ZBTB41: variants seen among roughly 807,000 people sequenced by gnomAD.
ZBTB41 encodes zinc finger and BTB domain containing 41, also known as zinc finger and BTB domain-containing protein 41.
ZBTB41 carries 42 observed loss-of-function variants against 87.6 expected under a neutral mutation model. That is an observed-to-expected ratio of 0.48 (90% CI 0.37 to 0.62). The LOEUF is 0.62. Ranked by LOEUF, ZBTB41 falls within the 20% of genes least tolerant of loss-of-function variation. ZBTB41 has a pLI of 0.00. For synonymous variants in ZBTB41, 364 were observed against 364.0 expected (o/e 1.00, Z 0.00); for missense variants, 799 against 1,078.9 (o/e 0.74, Z 3.63).
intron 10 of ZBTB41, 41 bp downstream of exon 10, chr1:197,172,119 C>T (rs6698189): frequency 8.9e-6 from 7 of 787,084 alleles, no homozygotes; most frequent in Non-Finnish European, 1.3e-5. Flanking sequence ...ATATATCTCT[C>T]TCTATATATA....
At position 197,199,304 on chromosome 1, in the gene ZBTB41, T is replaced by G. The variant is rs139752352; in HGVS notation, c.1120+50A>C. On this transcript the variant is annotated intron_variant, in intron 2 of 10. Coordinates refer to ENST00000367405, the MANE Select transcript of ZBTB41 (RefSeq NM_194314.3). ...GTTTTTATTTATCACCTTTAAAATATCCAAGAAAAGTAAGTGATTAGAGAT... is the reference window on the plus strand; with the variant it reads ...GTTTTTATTTATCACCTTTAAAATAGCCAAGAAAAGTAAGTGATTAGAGAT... 1.7e-3 allele frequency: 2,450 copies of G among 1,445,890 alleles called. 21 individuals carry two copies. In the African/African-American group the frequency reaches 0.018, roughly 11 times the overall value. The allele number at this position is 1,445,890 out of a possible 1,614,324, so 89.6% of individuals were successfully genotyped here.
chr1:197,173,487 C>T (rs375281829), intron 9 of ZBTB41, among the ~76,000 whole-genome samples: 55 of 152,176 alleles, frequency 3.6e-4, no homozygotes, highest in South Asian at 2.9e-3. Context: ...TCACTGCAGC[C>T]TTGAACTCCT....
chr1:197,178,098 T>G (rs923455161), intron 7 of ZBTB41, among the ~76,000 whole-genome samples: 1 of 151,924 alleles, frequency 6.6e-6, no homozygotes, highest in African/African-American at 2.4e-5. Context: ...TGTTCTTTGA[T>G]AGTAAAGAGT....
chr1:197,178,608 ATAT>A (rs1659668444), intron 6 of ZBTB41, 96 bp from the exon 7 acceptor site: 1 of 719,676 alleles, frequency 1.4e-6, no homozygotes, highest in South Asian at 2.9e-5. Flanking sequence ...AAGCTAACTG[ATAT>A]TATGGCAATT....
chr1:197,169,210 G>C (rs945630745), intron 10 of ZBTB41, among the ~76,000 whole-genome samples: 18 of 151,924 alleles, frequency 1.2e-4, no homozygotes, highest in African/African-American at 4.1e-4. Context: ...CTATGAGCCA[G>C]GAATCCTAGG....
rs1336728646 is a variant in ZBTB41, at chr1:197,199,946, G to A, written c.528C>T (p.Asn176=). Residue 176 remains asparagine (N), a synonymous_variant, in exon 2 of 11, where the codon AAC becomes AAT. Coordinates refer to ENST00000367405, the MANE Select transcript of ZBTB41 (RefSeq NM_194314.3). ...CTGAATGAAAAGGGGCAACATTTTC[G>A]TTATTTAACAACTTCACTGCATCTA... The part of the protein sequence containing the change: ...DIIDAVKLLN[N]ENVAPFHSEL... 7 of 1,612,856 alleles carry A rather than the reference G, an allele frequency of 4.3e-6. No homozygotes were observed. In the African/African-American group the frequency reaches 5.3e-5, roughly 12 times the overall value.
intron 5 of ZBTB41, among the ~76,000 whole-genome samples, chr1:197,182,917 G>A (rs1659788995): frequency 6.6e-6 from 1 of 152,110 alleles, no homozygotes; most frequent in South Asian, 2.1e-4. Flanking sequence ...AGGTCTCCAG[G>A]TGCTTGTGAT....
chr1:197,199,784 A>G lies in ZBTB41; in HGVS notation c.690T>C (p.His230=). The part of the protein sequence containing the change: ...KSLENHLAKT[H]RSLLLGKKHG... The stretch of plus-strand genomic sequence containing the variant: ...GTTTTTTCCCTAATAAAAGGGACCT[A>G]TGGGTTTTAGCCAAATGATTCTCTA... The change falls in exon 2 of 11, where the codon CAT becomes CAC. Residue 230 remains histidine (H), a synonymous_variant. Transcript: ENST00000367405. 1 of 1,613,216 alleles carries G rather than the reference A, an allele frequency of 6.2e-7. No individual in the cohort carries two copies. The highest frequency in any genetic ancestry group is 8.5e-7 in the Non-Finnish European group (1 of 1,179,704).
intron 4 of ZBTB41, among the ~76,000 whole-genome samples, chr1:197,189,656 C>T (rs1033704647): frequency 2.6e-5 from 4 of 152,188 alleles, no homozygotes; most frequent in African/African-American, 9.6e-5. Flanking sequence ...TTAAATCTAC[C>T]CAGGTTGGAG....
rs546508823 is a variant in ZBTB41 at position 197,159,406 on chromosome 1, T to C, written c.2683A>G (p.Ser895Gly). ...GAAATATTTTGAACACCAGTAGTGCTATCAAGGCCCAGTAATGTTCCAAGA... is the reference window on the plus strand; with the variant it reads ...GAAATATTTTGAACACCAGTAGTGCCATCAAGGCCCAGTAATGTTCCAAGA... ...SYLGTLLGLD[S>G]TTGVQNISTN... Residue 895 changes from serine (S) to glycine (G), a missense_variant, in exon 11 of 11, where the codon AGC becomes GGC. Ser to Gly is a moderately conservative substitution (Grantham distance 56). Around this residue, in one of 5 missense-constraint regions of ZBTB41, gnomAD observed 171 missense variants for 191.9 expected, o/e 0.89. Coordinates refer to ENST00000367405, the MANE Select transcript of ZBTB41 (RefSeq NM_194314.3). The C allele has an allele frequency of 1.2e-6, 2 of 1,613,880 alleles. No homozygotes were observed. Among genetic ancestry groups the C allele is most frequent in the African/African-American group, 1.3e-5 (1 of 75,030 alleles).
In ZBTB41 at chr1:197,199,441, G is replaced by A; in HGVS notation, c.1033C>T (p.His345Tyr). 1 of 1,612,500 alleles carries A rather than the reference G, an allele frequency of 6.2e-7. No individual in the cohort carries two copies. Among genetic ancestry groups the A allele is most frequent in the East Asian group, 2.2e-5 (1 of 44,868 alleles). The change falls in exon 2 of 11, where the codon CAT (histidine) becomes TAT (tyrosine). Residue 345 changes from histidine to tyrosine, a missense_variant. Physicochemically the swap from His to Tyr is moderately conservative, Grantham distance 83 (BLOSUM62 2). Coordinates refer to ENST00000367405, the MANE Select transcript of ZBTB41 (RefSeq NM_194314.3). ...PEAGDSVGNV[H>Y]EGLTPVVIQN... ...ATGACCACTGGAGTTAACCCCTCATGAACATTTCCTACAGAATCACCAGCC... is the reference window on the plus strand; with the variant it reads ...ATGACCACTGGAGTTAACCCCTCATAAACATTTCCTACAGAATCACCAGCC...
intron 2 of ZBTB41, among the ~76,000 whole-genome samples, chr1:197,192,487 CAG>C (rs1660060072): frequency 6.6e-6 from 1 of 152,136 alleles, no homozygotes; most frequent in South Asian, 2.1e-4. Context: ...GCACTTACAA[CAG>C]TGTCGAACAC....
In ZBTB41 at chr1:197,181,098, T is replaced by A. The variant is rs1557982065; in HGVS notation, c.1566A>T (p.Ile522=). ...CAGTGTCGTTAAACTGGCGACCACA[T>A]ATATCACATGGAAAAGGACCTAAAA... ...KFHLGPFPCD[I]CGRQFNDTGN... The change falls in exon 6 of 11, where the codon ATA becomes ATT. Residue 522 remains isoleucine, a synonymous_variant. Coordinates refer to ENST00000367405, the MANE Select transcript of ZBTB41 (RefSeq NM_194314.3). 6.3e-7 allele frequency: 1 copy of A among 1,590,254 alleles called. No homozygotes were observed. The highest frequency in any genetic ancestry group is 2.2e-5 in the East Asian group (1 of 44,450).
In ZBTB41 at chr1:197,159,439, G is replaced by T; in HGVS notation, c.2650C>A (p.Gln884Lys). 6.2e-7 allele frequency: 1 copy of T among 1,613,830 alleles called. No individual in the cohort carries two copies. The highest frequency in any genetic ancestry group is 8.5e-7 in the Non-Finnish European group (1 of 1,179,774). ...RPEQMLDPREQSYLGTLLGLD... is the reference protein window; with the variant it reads ...RPEQMLDPREKSYLGTLLGLD... ...CCCAGTAATGTTCCAAGATAAGATT[G>T]TTCTCTAGGATCTAGCATTTGTTCA... Residue 884 changes from glutamine to lysine, a missense_variant, in exon 11 of 11, where the codon CAA becomes AAA. Gln to Lys is a moderately conservative substitution (Grantham distance 53). Coordinates refer to ENST00000367405, the MANE Select transcript of ZBTB41 (RefSeq NM_194314.3).
At chr1:197,194,174 C>T (rs1007409749) in intron 2 of ZBTB41, among the ~76,000 whole-genome samples, 18 of 151,996 alleles carry the variant, frequency 1.2e-4, no homozygotes, top group African/African-American at 3.4e-4. Context: ...ACATGCTATA[C>T]GCCCAGCTAA....
intron 2 of ZBTB41, among the ~76,000 whole-genome samples, chr1:197,195,594 A>G (rs1660143754): frequency 6.6e-6 from 1 of 152,182 alleles, no homozygotes; most frequent in Non-Finnish European, 1.5e-5. Context: ...TGGACTAGTC[A>G]CATTTTTTTT....
In ZBTB41 at chr1:197,154,539, C is replaced by T. The variant is rs962826379; in HGVS notation, c.*4820G>A. ...CAAAAACCTTCTTTTTCTCATCTTC[C>T]ACACATCTTAATCCTATTACATCTA... is the stretch of plus-strand genomic sequence containing the variant. On this transcript the variant is annotated 3_prime_UTR_variant, in exon 11 of 11. Coordinates refer to ENST00000367405, the MANE Select transcript of ZBTB41 (RefSeq NM_194314.3). 6.6e-6 allele frequency: 1 copy of T among 152,038 alleles called. No homozygotes were observed. The highest frequency in any genetic ancestry group is 2.4e-5 in the African/African-American group (1 of 41,444). 9.4% of individuals were successfully genotyped at this position (152,038 alleles called of 1,614,324 possible).
chr1:197,193,995 C>T (rs1222152666), intron 2 of ZBTB41, among the ~76,000 whole-genome samples: 2 of 151,976 alleles, frequency 1.3e-5, no homozygotes, highest in Non-Finnish European at 2.9e-5. Context: ...AACTTATCAA[C>T]CTCCTAATGC....
intron 8 of ZBTB41, chr1:197,175,788 T>A (rs888702419): frequency 1.3e-5 from 2 of 151,932 alleles, no homozygotes; most frequent in African/African-American, 4.8e-5. Context: ...ATAATTCCAA[T>A]GGAAAAAGTC....
Sources: allele counts gnomAD v4.1 joint callset (sites outside exome capture counted in the v4.1 genomes callset), GRCh38; gene constraint gnomAD v4.1.1; regional missense constraint gnomAD v4.1.1; transcripts MANE v1.5; gene names NCBI Gene and HGNC (gene_info 2026-07-23, HGNC 2026-07-21).